The following PRRC2B variants were observed in gnomAD, a reference collection of about 807,000 sequenced individuals.
The protein encoded by PRRC2B is protein PRRC2B.
In PRRC2B, 68 loss-of-function variants were observed where a neutral mutation model predicts 242.3. The ratio of observed to expected loss-of-function variants is 0.28; its 90% CI spans 0.23 to 0.34. The LOEUF is 0.34. Among genes scored for constraint, PRRC2B ranks in the 10% least tolerant of loss-of-function variants. The pLI, the probability that PRRC2B is intolerant of heterozygous loss-of-function variation, is 1.00. For missense variants in PRRC2B, 2,835 were observed against 2,954.8 expected (o/e 0.96, Z 0.94); for synonymous variants, 1,228 against 1,173.6 (o/e 1.05, Z -0.95).
chr9:131,471,704 T>A (rs1943552087), intron 14 of PRRC2B, among the ~76,000 whole-genome samples: 1 of 152,282 alleles, frequency 6.6e-6, no homozygotes, highest in Non-Finnish European at 1.5e-5. Context: ...GAGTTTTGTT[T>A]AATGGCTGTA....
At chr9:131,450,219 G>A (rs1387315781) in intron 9 of PRRC2B, among the ~76,000 whole-genome samples, 2 of 151,644 alleles carry the variant, frequency 1.3e-5, no homozygotes, top group Middle Eastern at 3.2e-3. Flanking sequence ...GGGCATTTTG[G>A]TTAGGATTAT....
rs1157458477 is a variant in PRRC2B at position 131,487,306 on chromosome 9, T to C, written c.5984+12T>C. The C allele has an allele frequency of 4.4e-6, 7 of 1,590,740 alleles. No homozygotes were observed. Among genetic ancestry groups the C allele is most frequent in the Non-Finnish European group, 6.0e-6 (7 of 1,165,624 alleles). On this transcript the variant is annotated intron_variant, in intron 27 of 31. Transcript: ENST00000683519. The surrounding 1 kb of genome is among the most constrained non-coding windows in gnomAD (Gnocchi z 5.3). Reference sequence around the variant, plus strand: ...TTGCAGCCCTTCAGGTGAGCTCATGTACCAGCTTGCGGAGCTGGCAGCTCA... The same window carrying C: ...TTGCAGCCCTTCAGGTGAGCTCATGCACCAGCTTGCGGAGCTGGCAGCTCA...
intron 1 of PRRC2B, among the ~76,000 whole-genome samples, chr9:131,426,354 A>G (rs558592310): frequency 6.6e-6 from 1 of 151,418 alleles, no homozygotes; most frequent in African/African-American, 2.4e-5. Context: ...AAAAAAAAAA[A>G]AAAAAAGAAA....
At chr9:131,438,711 T>A (rs1040216478) in intron 4 of PRRC2B, among the ~76,000 whole-genome samples, 1 of 152,198 alleles carries the variant, frequency 6.6e-6, no homozygotes, top group Non-Finnish European at 1.5e-5. Flanking sequence ...CTGGCTTTGC[T>A]GTGTCACTGT....
intron 14 of PRRC2B, among the ~76,000 whole-genome samples, chr9:131,473,095 C>T (rs1943589339): frequency 6.6e-6 from 1 of 152,114 alleles, no homozygotes; most frequent in Non-Finnish European, 1.5e-5. Context: ...CAGACAGACC[C>T]GCCAGTCTGT....
chr9:131,449,106 G>A (rs1290834248), intron 9 of PRRC2B, among the ~76,000 whole-genome samples: 1 of 152,164 alleles, frequency 6.6e-6, no homozygotes, highest in Non-Finnish European at 1.5e-5. Context: ...TTATATGCCA[G>A]TTGCTTTTAG....
In PRRC2B at chr9:131,485,128, G is replaced by T. The variant is rs771031358; in HGVS notation, c.5746G>T (p.Ala1916Ser). Residue 1916 changes from alanine to serine, a missense_variant, in exon 25 of 32, where the codon GCT becomes TCT. By Grantham distance (99) the Ala-to-Ser change is moderately conservative. Transcript: ENST00000683519. ...PMPVASVAPS[A>S]SMPGSHLPPL... The stretch of plus-strand genomic sequence containing the variant: ...GCCTGTGGCCTCTGTAGCACCTTCT[G>T]CTTCTATGCCAGGTATCTCATCCCC... The T allele has an allele frequency of 3.2e-6, 5 of 1,586,930 alleles. No individual in the cohort carries two copies. The South Asian group carries it at 4.5e-5, about 14-fold the overall frequency.
At chr9:131,481,534 G>T (rs1055025574) in intron 19 of PRRC2B, among the ~76,000 whole-genome samples, 192 bp from the exon 20 acceptor site, 1 of 152,000 alleles carries the variant, frequency 6.6e-6, no homozygotes, top group African/African-American at 2.4e-5. Context: ...GTTGGGTAAG[G>T]CTGTCAGACC....
chr9:131,491,732 A>G (rs1325604592), intron 29 of PRRC2B, among the ~76,000 whole-genome samples, 152 bp downstream of exon 29: 1 of 152,210 alleles, frequency 6.6e-6, no homozygotes, highest in Non-Finnish European at 1.5e-5. Context: ...GGGCCATCAC[A>G]GAGGCAGGTC....
chr9:131,492,216 G>T lies in PRRC2B; in HGVS notation c.6429G>T (p.Gln2143His). The change falls in exon 30 of 32, where the codon CAG becomes CAT. Residue 2143 changes from glutamine (Q) to histidine (H), a missense_variant. Gln to His is a conservative substitution (Grantham distance 24, BLOSUM62 0). Around this residue, in one of 7 missense-constraint regions of PRRC2B, gnomAD observed 574 missense variants for 626.0 expected, o/e 0.92. Coordinates refer to ENST00000683519, the MANE Select transcript of PRRC2B (RefSeq NM_013318.4). Reference protein sequence around the residue: ...MKGFHFADSKQNVPSGGPVPS... With the variant: ...MKGFHFADSKHNVPSGGPVPS... ...GCTTCCACTTTGCCGACAGTAAACA[G>T]AATGTCCCTTCAGGAGGCCCCGTGC... 6.2e-7 allele frequency: 1 copy of T among 1,613,918 alleles called. No homozygotes were observed. Among genetic ancestry groups the T allele is most frequent in the Non-Finnish European group, 8.5e-7 (1 of 1,179,868 alleles).
At chr9:131,425,665 A>G (rs985554715) in intron 1 of PRRC2B, among the ~76,000 whole-genome samples, 15 of 150,238 alleles carry the variant, frequency 1.0e-4, no homozygotes, top group African/African-American at 3.4e-4. Flanking sequence ...TTTTTTTTGT[A>G]TTATTAGTAG....
intron 1 of PRRC2B, among the ~76,000 whole-genome samples, chr9:131,413,796 C>T (rs187136192): frequency 2.6e-5 from 4 of 152,254 alleles, no homozygotes; most frequent in South Asian, 4.1e-4. Context: ...CTCAGCCTCC[C>T]GAGTACCTGG....
At chr9:131,389,845 C>T (rs1305970267), upstream of PRRC2B, among the ~76,000 whole-genome samples, 3 of 149,044 alleles carry the variant, frequency 2.0e-5, no homozygotes, top group East Asian at 6.0e-4. Flanking sequence ...CAGGTAGAAA[C>T]TCTTAGGCAC....
At chr9:131,433,064 T>A (rs899450315) in intron 3 of PRRC2B, among the ~76,000 whole-genome samples, 7 of 152,128 alleles carry the variant, frequency 4.6e-5, no homozygotes, top group African/African-American at 1.7e-4. Context: ...GTGACCACTT[T>A]CCCCCTGTGC....
chr9:131,397,563 G>GTTTTTTT lies in PRRC2B; in HGVS notation c.-52+3315_-52+3321dup, dbSNP rs58424444. ...GGATTATTTTATTGTACTTTTGAGG[G>GTTTTTTT]TTTTTTTTTTTTTTTTTTTTTGCCT... On this transcript the variant is annotated intron_variant, in intron 1 of 31. Transcript: ENST00000683519. Among the ~76,000 whole-genome samples the GTTTTTTT allele has an allele frequency of 4.1e-3, 405 of 98,902 alleles. 17 individuals are homozygous for GTTTTTTT. The highest frequency in any genetic ancestry group is 8.7e-3 in the African/African-American group (209 of 23,898). 64.9% of individuals were successfully genotyped at this position (98,902 alleles called of 152,430 possible).
upstream of PRRC2B, among the ~76,000 whole-genome samples, chr9:131,392,374 G>C (rs1483943132): frequency 6.6e-6 from 1 of 152,150 alleles, no homozygotes; most frequent in African/African-American, 2.4e-5. Context: ...TGGGATTACA[G>C]GTGTTAGCCA....
Position 131,464,837 on chromosome 9 carries a change from G to C in PRRC2B, c.1479G>C (p.Lys493Asn). ...DKEDKPPPRQ[K>N]FIQSEMSEAV... The stretch of plus-strand genomic sequence containing the variant: ...AGGACAAGCCCCCACCAAGGCAGAA[G>C]TTCATTCAGTCAGAGATGTCCGAGG... The change falls in exon 12 of 32, where the codon AAG becomes AAC. Residue 493 changes from lysine (K) to asparagine (N), a missense_variant. By Grantham distance (94) the Lys-to-Asn change is moderately conservative. Around this residue, in one of 7 missense-constraint regions of PRRC2B, gnomAD observed 626 missense variants for 685.5 expected, o/e 0.91. Coordinates refer to ENST00000683519, the MANE Select transcript of PRRC2B (RefSeq NM_013318.4). 2 of 1,613,698 alleles carry C rather than the reference G, an allele frequency of 1.2e-6. No homozygotes were observed. The highest frequency in any genetic ancestry group is 1.7e-6 in the Non-Finnish European group (2 of 1,179,724).
intron 1 of PRRC2B, among the ~76,000 whole-genome samples, chr9:131,413,261 C>A (rs1837551811): frequency 6.6e-6 from 1 of 152,114 alleles, no homozygotes. Context: ...CTGCCTTCGC[C>A]TCTTTTAAAA....
At chr9:131,425,546 T>C (rs1183962752) in intron 1 of PRRC2B, among the ~76,000 whole-genome samples, 3 of 151,896 alleles carry the variant, frequency 2.0e-5, no homozygotes, top group Admixed American at 2.0e-4. Flanking sequence ...TGGCGTGCAG[T>C]GGCGCGATCT....
Sources: gnomAD v4.1 joint callset for allele counts (sites outside exome capture counted in the v4.1 genomes callset) on GRCh38, gnomAD v4.1.1 for gene constraint, gnomAD v4.1.1 regional missense constraint, Gnocchi (gnomAD v3.1) non-coding constraint, MANE v1.5 for transcripts, NCBI Gene and HGNC (gene_info 2026-07-23, HGNC 2026-07-21) for gene names.